CPD: variants seen among roughly 807,000 people sequenced by gnomAD.
CPD encodes carboxypeptidase D, also known as metallocarboxypeptidase D.
Under a neutral mutation model 138.3 loss-of-function variants are expected in CPD, and 69 were observed. That is an observed-to-expected ratio of 0.50 (90% CI 0.41 to 0.61). The LOEUF (loss-of-function observed/expected upper bound fraction) is 0.61, where lower values mean the gene tolerates loss of function less well. Among genes scored for constraint, CPD ranks in the 20% least tolerant of loss-of-function variants. The pLI, the probability that CPD is intolerant of heterozygous loss-of-function variation, is 0.00. For missense variants in CPD, 1,432 were observed against 1,733.3 expected (o/e 0.83, Z 3.09); for synonymous variants, 651 against 642.1 (o/e 1.01, Z -0.21).
In CPD at chr17:30,431,823, C is replaced by A; in HGVS notation, c.2069C>A (p.Thr690Lys). 2 of 1,613,282 alleles carry A rather than the reference C, an allele frequency of 1.2e-6. No homozygotes were observed. The highest frequency in any genetic ancestry group is 1.7e-6 in the Non-Finnish European group (2 of 1,179,626). The change falls in exon 8 of 21, where the codon ACA becomes AAA. Residue 690 changes from threonine to lysine, a missense_variant. By Grantham distance (78) the Thr-to-Lys change is moderately conservative. Around this residue, in one of 6 missense-constraint regions of CPD, gnomAD observed 297 missense variants for 405.3 expected, o/e 0.73. Coordinates refer to ENST00000225719, the MANE Select transcript of CPD (RefSeq NM_001304.5). ...GATGATGATGAACAAGGACTTGCCA[C>A]ATATAGTAAATCACCAGATGATGCT... ...PFDDDEQGLA[T>K]YSKSPDDAVF...
Position 30,438,967 on chromosome 17 carries a change from T to C in CPD, c.2128-8T>C, listed in dbSNP as rs767566788. The C allele has an allele frequency of 5.3e-6, 8 of 1,503,494 alleles. No homozygotes were observed. Among genetic ancestry groups the C allele is most frequent in the Non-Finnish European group, 5.4e-6 (6 of 1,113,640 alleles). 93.1% of individuals were successfully genotyped at this position (1,503,494 alleles called of 1,614,324 possible). A position where few individuals can be genotyped will look rare whatever the true frequency, so the allele number is the denominator to read the frequency against. ...AAATAGAAGTAAAGATTCTTTTTGT[T>C]TTTCCAGGAAAATTCCCAGATGTTT... On this transcript the variant is annotated splice_region_variant and splice_polypyrimidine_tract_variant and intron_variant, in intron 8 of 20. Coordinates refer to ENST00000225719, the MANE Select transcript of CPD (RefSeq NM_001304.5).
chr17:30,423,448 T>G lies in CPD; in HGVS notation c.1658-58T>G, dbSNP rs556860277. The G allele has an allele frequency of 2.6e-5, 33 of 1,284,928 alleles. No individual in the cohort carries two copies. In the South Asian group the frequency reaches 5.5e-4, roughly 22 times the overall value. The allele number at this position is 1,284,928 out of a possible 1,614,324, so 79.6% of individuals were successfully genotyped here. ...ATTTATATATGTTGCGGAAAAAAAC[T>G]GAGTCCATGATGATTAAGAAGGAAA... On this transcript the variant is annotated intron_variant, in intron 5 of 20. Transcript: ENST00000225719.
At chr17:30,433,462 A>G (rs886854122) in intron 8 of CPD, among the ~76,000 whole-genome samples, 2 of 152,054 alleles carry the variant, frequency 1.3e-5, no homozygotes, top group African/African-American at 4.8e-5. Flanking sequence ...AGACCCATGG[A>G]CATACCTTTT....
intron 20 of CPD, among the ~76,000 whole-genome samples, chr17:30,463,869 C>T (rs1175297180): frequency 6.6e-6 from 1 of 152,176 alleles, no homozygotes; most frequent in Non-Finnish European, 1.5e-5. Context: ...CTGGCTCTGT[C>T]ACCCATTAGC....
intron 2 of CPD, among the ~76,000 whole-genome samples, chr17:30,409,593 G>C (rs914109353): frequency 6.6e-6 from 1 of 152,206 alleles, no homozygotes; most frequent in Non-Finnish European, 1.5e-5. Flanking sequence ...GAGGGTGTAT[G>C]TGTCCGGAAA....
chr17:30,387,003 A>G (rs945318589), intron 2 of CPD, among the ~76,000 whole-genome samples: 7 of 152,228 alleles, frequency 4.6e-5, no homozygotes, highest in African/African-American at 1.2e-4. Flanking sequence ...TGGTAATTCT[A>G]TGTTTAGCTT....
intron 2 of CPD, among the ~76,000 whole-genome samples, chr17:30,403,646 A>G (rs935636945): frequency 1.3e-5 from 2 of 152,210 alleles, no homozygotes; most frequent in Admixed American, 1.3e-4. Flanking sequence ...GGCATGAGCA[A>G]CTTGTTAGGT....
Position 30,385,172 on chromosome 17 carries a change from A to G in CPD, c.930A>G (p.Pro310=). The G allele has an allele frequency of 1.2e-6, 2 of 1,614,058 alleles. No individual in the cohort carries two copies. Among genetic ancestry groups the G allele is most frequent in the Middle Eastern group, 1.6e-4 (1 of 6,062 alleles). The change falls in exon 2 of 21, where the codon CCA becomes CCG. Residue 310 remains proline, a synonymous_variant. Coordinates refer to ENST00000225719, the MANE Select transcript of CPD (RefSeq NM_001304.5). ...TGAAAACTGGTGAGCCTCATTGTCC[A>G]GGAGATGAAGACGAGACTTTCAAAG... is the stretch of plus-strand genomic sequence containing the variant. The part of the protein sequence containing the change: ...PIMKTGEPHC[P]GDEDETFKDG...
At chr17:30,380,708 C>A in intron 1 of CPD, 2 of 1,098,704 alleles carry the variant, frequency 1.8e-6, no homozygotes, top group Non-Finnish European at 2.6e-6. Context: ...GTGTGGGCTG[C>A]AATAACACGG....
intron 2 of CPD, among the ~76,000 whole-genome samples, chr17:30,393,761 C>G (rs1911419628): frequency 2.0e-5 from 3 of 152,176 alleles, no homozygotes; most frequent in Non-Finnish European, 4.4e-5. Context: ...AGCTGTCACG[C>G]TTAGGGAAGA....
At chr17:30,395,279 A>T (rs1000930658) in intron 2 of CPD, among the ~76,000 whole-genome samples, 1 of 150,594 alleles carries the variant, frequency 6.6e-6, no homozygotes, top group African/African-American at 2.5e-5. Context: ...AACAATTCAG[A>T]TATTAATTCT....
At chr17:30,380,628 A>T (rs1019384115) in intron 1 of CPD, 7 of 1,516,126 alleles carry the variant, frequency 4.6e-6, no homozygotes, top group African/African-American at 1.4e-5. Context: ...AGAGAATGTT[A>T]TAAATATTTA....
chr17:30,460,049 A>G (rs1913426783), intron 17 of CPD, among the ~76,000 whole-genome samples: 1 of 152,196 alleles, frequency 6.6e-6, no homozygotes, highest in Admixed American at 6.5e-5. Context: ...AATTGATTTG[A>G]TCTGGAAGAG....
chr17:30,449,746 C>A lies in CPD; in HGVS notation c.3067C>A (p.Gln1023Lys). The A allele has an allele frequency of 6.4e-7, 1 of 1,551,834 alleles. No homozygotes were observed. The highest frequency in any genetic ancestry group is 8.6e-7 in the Non-Finnish European group (1 of 1,158,494). ...CTACAAAAAGAACCCAGCTGTTACCCAAGTAAGAGAATAGCCGAGGTTGAC... is the reference window on the plus strand; with the variant it reads ...CTACAAAAAGAACCCAGCTGTTACCAAAGTAAGAGAATAGCCGAGGTTGAC... ...LNYKKNPAVT[Q>K]LVDRTRIVIV... is the part of the protein sequence containing the mutation. Residue 1023 changes from glutamine (Q) to lysine (K), a missense_variant and splice_region_variant, in exon 13 of 21, where the codon CAA (glutamine) becomes AAA (lysine). Around this residue, in one of 6 missense-constraint regions of CPD, gnomAD observed 366 missense variants for 518.8 expected, o/e 0.71. Transcript: ENST00000225719.
chr17:30,393,723 A>C (rs3794794), intron 2 of CPD, among the ~76,000 whole-genome samples: 67,533 of 152,052 alleles, frequency 0.44, 15,754 homozygotes, highest in East Asian at 0.83. Context: ...TCTGTTTACT[A>C]ATTTGAGGTG....
Position 30,459,187 on chromosome 17 carries a change from A to G in CPD, c.3499-1993A>G, listed in dbSNP as rs79020850. ...TTTGGTTGTTGTTTTCCTTTTTTTT[A>G]ATTTATTTTTTATTTATTTTTATTT... is the stretch of plus-strand genomic sequence containing the variant. On this transcript the variant is annotated intron_variant, in intron 17 of 20. Transcript: ENST00000225719. Among the ~76,000 whole-genome samples, 3 of 39,078 alleles carry G rather than the reference A, an allele frequency of 7.7e-5. No homozygotes were observed. The South Asian group carries it at 2.2e-3, about 29-fold the overall frequency. The allele number at this position is 39,078 out of a possible 152,430, so 25.6% of individuals were successfully genotyped here. A position where few individuals can be genotyped will look rare whatever the true frequency, so the allele number is the denominator to read the frequency against.
chr17:30,380,427 G>A, intron 1 of CPD: 2 of 1,197,474 alleles, frequency 1.7e-6, no homozygotes, highest in Non-Finnish European at 2.1e-6. Context: ...TGGAGAACTT[G>A]CACAGATCTG....
intron 2 of CPD, among the ~76,000 whole-genome samples, chr17:30,413,120 A>G (rs948418598): frequency 6.6e-6 from 1 of 152,222 alleles, no homozygotes; most frequent in Non-Finnish European, 1.5e-5. Flanking sequence ...ATAATTCCCA[A>G]TAGTCTTAGT....
chr17:30,426,594 C>T (rs914496867), intron 6 of CPD, among the ~76,000 whole-genome samples: 2 of 152,196 alleles, frequency 1.3e-5, no homozygotes, highest in Non-Finnish European at 2.9e-5. Flanking sequence ...GAAGGCCAAT[C>T]TTAGGTTCTA....
Sources: gnomAD v4.1 joint callset for allele counts (sites outside exome capture counted in the v4.1 genomes callset) on GRCh38, gnomAD v4.1.1 for gene constraint, gnomAD v4.1.1 regional missense constraint, MANE v1.5 for transcripts, NCBI Gene and HGNC (gene_info 2026-07-23, HGNC 2026-07-21) for gene names.